Variants in NOTCH2 observed in about 807,000 individuals in gnomAD.
NOTCH2 encodes neurogenic locus notch homolog protein 2.
Under a neutral mutation model 235.8 loss-of-function variants are expected in NOTCH2, and 29 were observed. That is an observed-to-expected ratio of 0.12 (90% CI 0.09 to 0.17). The LOEUF (loss-of-function observed/expected upper bound fraction) is 0.17, where lower values mean the gene tolerates loss of function less well. NOTCH2 is among the 10% of genes least tolerant of loss of function. The pLI is 1.00. For missense variants in NOTCH2, 2,285 were observed against 3,150.2 expected (o/e 0.73, Z 6.57); for synonymous variants, 1,086 against 1,141.5 (o/e 0.95, Z 0.98).
intron 22 of NOTCH2, 77 bp from the exon 23 acceptor site, chr1:119,929,289 T>C (rs782250285): frequency 8.2e-6 from 10 of 1,224,182 alleles, no homozygotes; most frequent in Non-Finnish European, 1.2e-5. Flanking sequence ...CCACCCTTGT[T>C]GGCATTTTCA....
chr1:120,058,280 G>A (rs1215384111), intron 1 of NOTCH2, among the ~76,000 whole-genome samples: 3 of 152,040 alleles, frequency 2.0e-5, no homozygotes, highest in African/African-American at 7.2e-5. Flanking sequence ...GAGGCGGGCG[G>A]ATCACCTGAG....
intron 22 of NOTCH2, among the ~76,000 whole-genome samples, chr1:119,933,896 G>C (rs1649752582): frequency 6.6e-6 from 1 of 152,220 alleles, no homozygotes; most frequent in Non-Finnish European, 1.5e-5. Flanking sequence ...GCGAGGGATA[G>C]TGATATGTGT....
chr1:120,038,958 C>G (rs1654430544), intron 1 of NOTCH2, among the ~76,000 whole-genome samples: 1 of 151,810 alleles, frequency 6.6e-6, no homozygotes. Context: ...GAATGGAAGC[C>G]AAAATAATTT....
chr1:119,996,772 T>C, intron 4 of NOTCH2: 2 of 868,976 alleles, frequency 2.3e-6, no homozygotes, highest in Non-Finnish European at 4.0e-6. Flanking sequence ...TAAACAATTT[T>C]CTAGCCACTC....
chr1:120,033,834 C>G (rs1467194024), intron 1 of NOTCH2, among the ~76,000 whole-genome samples: 6 of 152,168 alleles, frequency 3.9e-5, no homozygotes, highest in Admixed American at 1.3e-4. Flanking sequence ...CACTAACTAC[C>G]TTTTAATTGT....
rs375861810 is a variant in NOTCH2, at chr1:119,937,953, T to G, written c.3241A>C (p.Lys1081Gln). Residue 1081 changes from lysine (K) to glutamine (Q), a missense_variant, in exon 20 of 34, where the codon AAA (lysine) becomes CAA (glutamine). By Grantham distance (53) the Lys-to-Gln change is moderately conservative. Around this residue, in one of 6 missense-constraint regions of NOTCH2, gnomAD observed 1,173 missense variants for 1,515.3 expected, o/e 0.77. Transcript: ENST00000256646. ...PCKNKGTCVQ[K>Q]KAESQCLCPS... ...CATAGGCACTGGGACTCTGCTTTTTTCTGAACGCAAGTACCTTTGTTTTTA... is the reference window on the plus strand; with the variant it reads ...CATAGGCACTGGGACTCTGCTTTTTGCTGAACGCAAGTACCTTTGTTTTTA... 6.2e-7 allele frequency: 1 copy of G among 1,614,070 alleles called. No individual in the cohort carries two copies. The highest frequency in any genetic ancestry group is 1.3e-5 in the African/African-American group (1 of 74,920).
Position 119,959,545 on chromosome 1 carries a change from G to T in NOTCH2, c.1916-43C>A, listed in dbSNP as rs1310707422. 3 of 1,046,392 alleles carry T rather than the reference G, an allele frequency of 2.9e-6. No homozygotes were observed. The East Asian group carries it at 7.1e-5, about 25-fold the overall frequency. 64.8% of individuals were successfully genotyped at this position (1,046,392 alleles called of 1,614,324 possible). A position where few individuals can be genotyped will look rare whatever the true frequency, so the allele number is the denominator to read the frequency against. The stretch of plus-strand genomic sequence containing the variant: ...ACGGAAACCATTCAATGTTACCACA[G>T]AAATACTAAGGCTTTCTGCTTGTGA... On this transcript the variant is annotated intron_variant, in intron 11 of 33. Transcript: ENST00000256646.
rs587767069 is a variant in NOTCH2 at position 119,934,525 on chromosome 1, C to T, written c.3655+947G>A. ...TTTTTACAGGACAATTCTTCAAATACTTAAAGACTGTTTCTCCTTAGTTTT... is the reference window on the plus strand; with the variant it reads ...TTTTTACAGGACAATTCTTCAAATATTTAAAGACTGTTTCTCCTTAGTTTT... On this transcript the variant is annotated intron_variant, in intron 22 of 33. Coordinates refer to ENST00000256646, the MANE Select transcript of NOTCH2 (RefSeq NM_024408.4). 1.4e-4 allele frequency among the ~76,000 whole-genome samples: 21 copies of T among 152,268 alleles called. No individual in the cohort carries two copies. In the East Asian group the frequency reaches 4.0e-3, roughly 29 times the overall value.
intron 2 of NOTCH2, among the ~76,000 whole-genome samples, chr1:120,012,741 C>T (rs1351248408): frequency 6.6e-6 from 1 of 152,176 alleles, no homozygotes; most frequent in Non-Finnish European, 1.5e-5. Context: ...CCTATCTTCA[C>T]CTAGACCTTG....
chr1:120,030,055 G>A, intron 1 of NOTCH2, 68 bp from the exon 2 acceptor site: 1 of 557,036 alleles, frequency 1.8e-6, no homozygotes, highest in Non-Finnish European at 3.3e-6. Flanking sequence ...CCAAAGAAGT[G>A]TAATCCAATC....
At chr1:120,035,497 C>A (rs1347721098) in intron 1 of NOTCH2, among the ~76,000 whole-genome samples, 1 of 152,000 alleles carries the variant, frequency 6.6e-6, no homozygotes, top group Non-Finnish European at 1.5e-5. Context: ...CTTTACTGAA[C>A]AGATCGTCAT....
At chr1:119,944,709 G>A (rs1344242337) in intron 17 of NOTCH2, among the ~76,000 whole-genome samples, 1 of 152,094 alleles carries the variant, frequency 6.6e-6, no homozygotes, top group African/African-American at 2.4e-5. Flanking sequence ...ATAATGCAAG[G>A]AAGAAGATAA....
chr1:119,930,130 G>A (rs1333336705), intron 22 of NOTCH2, among the ~76,000 whole-genome samples: 10 of 152,026 alleles, frequency 6.6e-5, no homozygotes, highest in African/African-American at 2.4e-4. Flanking sequence ...ATTGCCTAAG[G>A]GCATATTTCT....
chr1:119,924,880 G>A (rs73004249), intron 25 of NOTCH2, among the ~76,000 whole-genome samples: 3,787 of 152,284 alleles, frequency 0.025, 156 homozygotes, highest in African/African-American at 0.086. Flanking sequence ...AAGACCGGGA[G>A]GGTTCACAGA....
chr1:119,999,972 A>AAAGAAAGAAAGG (rs1652672428), intron 3 of NOTCH2, among the ~76,000 whole-genome samples: 4 of 61,618 alleles, frequency 6.5e-5, no homozygotes, highest in African/African-American at 2.6e-4. Context: ...AGAAAGAAAG[A>AAAGAAAGAAAGG]AAGAAAGGAA....
chr1:120,048,436 C>T (rs1178260348), intron 1 of NOTCH2, among the ~76,000 whole-genome samples: 1 of 126,284 alleles, frequency 7.9e-6, no homozygotes, highest in South Asian at 2.7e-4. Flanking sequence ...TTAGACAGGC[C>T]CAATACCACT....
chr1:119,999,883 GAGAGAGGGAA>G (rs1553204977), intron 3 of NOTCH2, among the ~76,000 whole-genome samples: 5 of 147,696 alleles, frequency 3.4e-5, no homozygotes. Flanking sequence ...CAGACAGAAA[GAGAGAGGGAA>G]AGAGAGAGAA....
chr1:120,069,126 G>C, intron 1 of NOTCH2: 1 of 1,525,748 alleles, frequency 6.6e-7, no homozygotes. Flanking sequence ...GCGGGGAGCA[G>C]AGGCGGCGGG....
Position 119,915,829 on chromosome 1 carries a change from C to G in NOTCH2, c.6893G>C (p.Arg2298Pro), listed in dbSNP as rs140832430. 1 of 1,614,034 alleles carries G rather than the reference C, an allele frequency of 6.2e-7. No individual in the cohort carries two copies. The highest frequency in any genetic ancestry group is 1.1e-5 in the South Asian group (1 of 91,076). ...PPEGKHITTP[R>P]EPLPPIVTFQ... Reference sequence around the variant, plus strand: ...AGTCACAATGGGGGGCAAGGGCTCCCGAGGGGTGGTTATGTGCTTCCCTTC... The same window carrying G: ...AGTCACAATGGGGGGCAAGGGCTCCGGAGGGGTGGTTATGTGCTTCCCTTC... Residue 2298 changes from arginine (R) to proline (P), a missense_variant, in exon 34 of 34, where the codon CGG (arginine) becomes CCG (proline). Coordinates refer to ENST00000256646, the MANE Select transcript of NOTCH2 (RefSeq NM_024408.4).
Sources: gnomAD v4.1 joint callset for allele counts (sites outside exome capture counted in the v4.1 genomes callset) on GRCh38, gnomAD v4.1.1 for gene constraint, gnomAD v4.1.1 regional missense constraint, MANE v1.5 for transcripts, NCBI Gene and HGNC (gene_info 2026-07-23, HGNC 2026-07-21) for gene names.